Variants in FOXN2 observed in about 807,000 individuals in gnomAD.
The protein encoded by FOXN2 is forkhead box N2, also known as forkhead box protein N2.
A neutral mutation model predicts 41.2 loss-of-function variants in FOXN2; 19 were observed. The ratio of observed to expected loss-of-function variants is 0.46; its 90% CI spans 0.32 to 0.68. The LOEUF is 0.68. FOXN2 is among the 30% of genes least tolerant of loss of function. FOXN2 has a pLI of 0.03. For missense variants in FOXN2, 587 were observed against 509.4 expected, an observed-to-expected ratio of 1.15 and a Z score of -1.47; for synonymous variants, 195 against 176.8, an observed-to-expected ratio of 1.10 and a Z score of -0.82.
At chr2:48,362,259 A>G (rs545936938) in intron 4 of FOXN2, among the ~76,000 whole-genome samples, 1 of 152,348 alleles carries the variant, frequency 6.6e-6, no homozygotes, top group East Asian at 1.9e-4. Context: ...TGTATTTGTG[A>G]CTAAGTTCTA....
chr2:48,340,126 A>G (rs1670648103), intron 2 of FOXN2, among the ~76,000 whole-genome samples: 1 of 152,240 alleles, frequency 6.6e-6, no homozygotes, highest in Non-Finnish European at 1.5e-5. Context: ...TAATCAGTTA[A>G]AAGTGTGGAA....
chr2:48,346,867 C>G (rs922964171), intron 3 of FOXN2, 116 bp downstream of exon 3: 1 of 781,348 alleles, frequency 1.3e-6, no homozygotes, highest in Non-Finnish European at 2.0e-6. Flanking sequence ...ATTACTTCAG[C>G]TGAACTGAAT....
At chr2:48,373,003 T>C (rs1277647012) in intron 5 of FOXN2, among the ~76,000 whole-genome samples, 4 of 152,100 alleles carry the variant, frequency 2.6e-5, no homozygotes, top group Non-Finnish European at 5.9e-5. Flanking sequence ...AAATACAGTT[T>C]AAGTTTTCGT....
chr2:48,340,812 C>G (rs958788392), intron 2 of FOXN2: 6 of 152,266 alleles, frequency 3.9e-5, no homozygotes, highest in African/African-American at 1.4e-4. Context: ...TACGATACTG[C>G]TACTGCACAA....
At chr2:48,347,228 T>TTTG (rs1671168400) in intron 3 of FOXN2, among the ~76,000 whole-genome samples, 1 of 141,242 alleles carries the variant, frequency 7.1e-6, no homozygotes, top group South Asian at 2.3e-4. Flanking sequence ...TGCTTTTTTT[T>TTTG]TTTTTTTTTT....
rs1320860622 is a variant in FOXN2, at chr2:48,377,035, AC to A, written c.*1593del. 6.6e-6 allele frequency: 1 copy of A among 151,994 alleles called. No homozygotes were observed. The highest frequency in any genetic ancestry group is 1.5e-5 in the Non-Finnish European group (1 of 67,868). The allele number at this position is 151,994 out of a possible 1,614,324, so 9.4% of individuals were successfully genotyped here. ...TCAAATGAGAAAAATGATTTTAAAA[AC>A]TTTTTTTTCAATTGACAAGACTTTA... On this transcript the variant is annotated 3_prime_UTR_variant, in exon 7 of 7. Transcript: ENST00000340553.
intron 3 of FOXN2, among the ~76,000 whole-genome samples, chr2:48,355,375 G>A (rs1050005130): frequency 9.2e-5 from 14 of 152,088 alleles, no homozygotes; most frequent in Non-Finnish European, 5.9e-5. Context: ...TTTTAAAAAA[G>A]GGATAAATAT....
At chr2:48,322,201 G>C (rs956599075) in intron 1 of FOXN2, among the ~76,000 whole-genome samples, 1 of 152,166 alleles carries the variant, frequency 6.6e-6, no homozygotes, top group African/African-American at 2.4e-5. Context: ...GCCTGCCCCG[G>C]TCTCCCAAAG....
At chr2:48,364,321 G>A (rs1196544465) in intron 5 of FOXN2, among the ~76,000 whole-genome samples, 1 of 152,014 alleles carries the variant, frequency 6.6e-6, no homozygotes, top group African/African-American at 2.4e-5. Flanking sequence ...TCACAATCCT[G>A]GGCTTAAGCC....
intron 2 of FOXN2, among the ~76,000 whole-genome samples, chr2:48,345,432 A>G (rs752711939): frequency 6.6e-6 from 1 of 152,134 alleles, no homozygotes; most frequent in African/African-American, 2.4e-5. Flanking sequence ...CCTATTGCAT[A>G]GCATGATGAC....
intron 2 of FOXN2, among the ~76,000 whole-genome samples, chr2:48,337,055 C>CTT (rs200701986): frequency 3.5e-5 from 5 of 143,634 alleles, no homozygotes; most frequent in Non-Finnish European, 6.1e-5. Flanking sequence ...GTCTTATTCA[C>CTT]TTTTTTTTTT....
intron 6 of FOXN2, 82 bp from the exon 7 acceptor site, chr2:48,374,838 A>C (rs1377259171): frequency 1.7e-6 from 2 of 1,152,778 alleles, no homozygotes; most frequent in Non-Finnish European, 2.5e-6. Context: ...TTGTTGCTCA[A>C]GAGTAATGTA....
intron 2 of FOXN2, among the ~76,000 whole-genome samples, chr2:48,339,562 A>T (rs1451871975): frequency 6.6e-6 from 1 of 152,198 alleles, no homozygotes; most frequent in East Asian, 1.9e-4. Context: ...CCAGTCTCGG[A>T]TATGTCCCTC....
At position 48,347,936 on chromosome 2, in the gene FOXN2, T is replaced by A. The variant is rs190345359; in HGVS notation, c.537+1185T>A. Among the ~76,000 whole-genome samples, 14 of 152,298 alleles carry A rather than the reference T, an allele frequency of 9.2e-5. No homozygotes were observed. The East Asian group carries it at 2.7e-3, about 29-fold the overall frequency. ...GTGAGAAGTCTGCTGTCATTATTCC[T>A]CTTTATGTAATGTCTCTTTTTTTAA... is the stretch of plus-strand genomic sequence containing the variant. On this transcript the variant is annotated intron_variant, in intron 3 of 6. Transcript: ENST00000340553.
At chr2:48,315,918 G>T (rs1385541752) in intron 1 of FOXN2, among the ~76,000 whole-genome samples, 2 of 152,208 alleles carry the variant, frequency 1.3e-5, no homozygotes, top group Non-Finnish European at 2.9e-5. Flanking sequence ...AATGACCACA[G>T]ACTTTCTTTC....
chr2:48,353,545 C>T (rs867051257), intron 3 of FOXN2, among the ~76,000 whole-genome samples: 1 of 141,768 alleles, frequency 7.1e-6, no homozygotes, highest in African/African-American at 2.7e-5. Flanking sequence ...AGAATAGTCA[C>T]TTAAGACTGT....
In FOXN2 at chr2:48,377,039, T is replaced by G. The variant is rs1039077156; in HGVS notation, c.*1596T>G. ...ATGAGAAAAATGATTTTAAAAACTT[T>G]TTTTTCAATTGACAAGACTTTAAGT... On this transcript the variant is annotated 3_prime_UTR_variant, in exon 7 of 7. Transcript: ENST00000340553. The G allele has an allele frequency of 1.3e-5, 2 of 152,064 alleles. No homozygotes were observed. The highest frequency in any genetic ancestry group is 2.9e-5 in the Non-Finnish European group (2 of 67,902). 9.4% of individuals were successfully genotyped at this position (152,064 alleles called of 1,614,324 possible). A position where few individuals can be genotyped will look rare whatever the true frequency, so the allele number is the denominator to read the frequency against.
chr2:48,323,499 C>T (rs1669471928), intron 1 of FOXN2, among the ~76,000 whole-genome samples: 1 of 152,104 alleles, frequency 6.6e-6, no homozygotes, highest in Non-Finnish European at 1.5e-5. Flanking sequence ...TGATGTTGAG[C>T]ATTTTTTTCA....
rs1207183823 is a variant in FOXN2, at chr2:48,359,124, T to C, written c.615T>C (p.Pro205=). The C allele has an allele frequency of 3.1e-6, 5 of 1,612,818 alleles. No individual in the cohort carries two copies. The highest frequency in any genetic ancestry group is 3.4e-6 in the Non-Finnish European group (4 of 1,179,060). Residue 205 remains proline, a synonymous_variant, in exon 4 of 7, where the codon CCT becomes CCC. Transcript: ENST00000340553. ...TTATCCAGGCACTGAAGAAGCAACCTTTTTCTTCAGCATCTTCACAAAAGT... is the reference window on the plus strand; with the variant it reads ...TTATCCAGGCACTGAAGAAGCAACCCTTTTCTTCAGCATCTTCACAAAAGT... ...PNLIQALKKQ[P]FSSASSQNGS...
Sources: allele counts gnomAD v4.1 joint callset (sites outside exome capture counted in the v4.1 genomes callset), GRCh38; gene constraint gnomAD v4.1.1; transcripts MANE v1.5; gene names NCBI Gene and HGNC (gene_info 2026-07-23, HGNC 2026-07-21).